The following WDPCP variants were observed in gnomAD, a reference collection of about 807,000 sequenced individuals.
WDPCP encodes WD repeat containing planar cell polarity effector.
A neutral mutation model predicts 93.1 loss-of-function variants in WDPCP; 71 were observed. The observed-to-expected ratio is 0.76, with a 90% CI of 0.63 to 0.93. The LOEUF is 0.93. Among genes scored for constraint, WDPCP ranks in the 40% least tolerant of loss-of-function variants. WDPCP has a pLI of 0.00. For missense variants in WDPCP, 844 were observed against 887.4 expected, an observed-to-expected ratio of 0.95 and a Z score of 0.62; for synonymous variants, 315 against 315.0, an observed-to-expected ratio of 1.00 and a Z score of 0.00.
intron 2 of WDPCP, among the ~76,000 whole-genome samples, chr2:63,726,738 C>T (rs562917743): frequency 1.1e-4 from 16 of 152,240 alleles, no homozygotes; most frequent in Non-Finnish European, 2.1e-4. Flanking sequence ...TTGTAATTCT[C>T]ATTGTAGAGA....
rs559109583 is a variant in WDPCP at position 63,189,500 on chromosome 2, C to A, written c.1916-14668G>T. On this transcript the variant is annotated intron_variant, in intron 14 of 17. Coordinates refer to ENST00000272321, the MANE Select transcript of WDPCP (RefSeq NM_015910.7). ...TTTGTCTCCATAGAAAAATGAGGGC[C>A]TGGAGCTTCCTAATCTGCCATCTTG... 2.0e-5 allele frequency among the ~76,000 whole-genome samples: 3 copies of A among 152,108 alleles called. No individual in the cohort carries two copies. In the South Asian group the frequency reaches 6.2e-4, roughly 32 times the overall value.
At chr2:63,203,031 T>C (rs1676039046) in intron 14 of WDPCP, among the ~76,000 whole-genome samples, 1 of 152,188 alleles carries the variant, frequency 6.6e-6, no homozygotes, top group Non-Finnish European at 1.5e-5. Flanking sequence ...GAGTCTGTGT[T>C]GTCTGCCTTA....
At chr2:63,469,428 CAA>C (rs1699557227) in intron 6 of WDPCP, among the ~76,000 whole-genome samples, 1 of 152,168 alleles carries the variant, frequency 6.6e-6, no homozygotes, top group African/African-American at 2.4e-5. Context: ...TTCACAATAG[CAA>C]AGACATGGAA....
At chr2:63,691,412 A>G (rs1179340738) in intron 2 of WDPCP, among the ~76,000 whole-genome samples, 1 of 152,218 alleles carries the variant, frequency 6.6e-6, no homozygotes, top group Non-Finnish European at 1.5e-5. Context: ...AGGCGGGCAG[A>G]TCACTTGAGG....
chr2:63,248,205 A>G (rs1680441452), intron 14 of WDPCP, among the ~76,000 whole-genome samples: 1 of 152,162 alleles, frequency 6.6e-6, no homozygotes, highest in Non-Finnish European at 1.5e-5. Context: ...ACTGATTTTT[A>G]TATTTGACTG....
intron 2 of WDPCP, among the ~76,000 whole-genome samples, chr2:63,694,117 G>T (rs1668929183): frequency 6.6e-6 from 1 of 152,114 alleles, no homozygotes; most frequent in Non-Finnish European, 1.5e-5. Context: ...TATGAACAGA[G>T]GGTTTAAGGT....
chr2:63,683,802 T>A, intron 2 of WDPCP, among the ~76,000 whole-genome samples: 1 of 151,852 alleles, frequency 6.6e-6, no homozygotes, highest in Middle Eastern at 3.4e-3. Flanking sequence ...TGAGCCAAGA[T>A]TGTGCCACTG....
At chr2:63,382,900 C>T (rs768392875) in intron 10 of WDPCP, among the ~76,000 whole-genome samples, 9 of 152,104 alleles carry the variant, frequency 5.9e-5, no homozygotes, top group Non-Finnish European at 1.2e-4. Context: ...GACCGTCCAA[C>T]AGCCTTCATG....
rs140894654 is a variant in WDPCP at position 63,236,507 on chromosome 2, G to T, written c.1915+22800C>A. On this transcript the variant is annotated intron_variant, in intron 14 of 17. Coordinates refer to ENST00000272321, the MANE Select transcript of WDPCP (RefSeq NM_015910.7). ...AAATTCACATGGAATTTAAAAAGAG[G>T]CTGAATAGCCATAGCAATCCTAAGC... is the stretch of plus-strand genomic sequence containing the variant. Among the ~76,000 whole-genome samples, 95 of 152,132 alleles carry T rather than the reference G, an allele frequency of 6.2e-4. No individual in the cohort carries two copies. In the East Asian group the frequency reaches 0.017, roughly 27 times the overall value.
At chr2:63,399,809 T>C (rs1478707911) in intron 10 of WDPCP, among the ~76,000 whole-genome samples, 1 of 152,168 alleles carries the variant, frequency 6.6e-6, no homozygotes, top group Non-Finnish European at 1.5e-5. Flanking sequence ...AACATTTTTT[T>C]CTTGAACAAT....
chr2:63,132,744 T>C (rs1670371747), intron 17 of WDPCP, among the ~76,000 whole-genome samples: 1 of 152,088 alleles, frequency 6.6e-6, no homozygotes, highest in Admixed American at 6.6e-5. Context: ...TCATATAATT[T>C]ACCTGATTTC....
intron 13 of WDPCP, among the ~76,000 whole-genome samples, chr2:63,297,668 G>A (rs879546613): frequency 6.6e-6 from 1 of 152,152 alleles, no homozygotes; most frequent in Non-Finnish European, 1.5e-5. Context: ...TTATAGGGGT[G>A]TAAGACAGAG....
intron 2 of WDPCP, chr2:63,684,782 A>C (rs1265712354): frequency 4.0e-6 from 2 of 495,428 alleles, no homozygotes; most frequent in African/African-American, 2.0e-5. Context: ...ATTTTCTCTG[A>C]TCACAATGCA....
At chr2:63,292,090 G>A (rs1216529073) in intron 13 of WDPCP, among the ~76,000 whole-genome samples, 3 of 138,312 alleles carry the variant, frequency 2.2e-5, no homozygotes, top group East Asian at 2.1e-4. Context: ...CCGAGATCGC[G>A]CCACTGCACT....
chr2:63,326,313 T>C (rs1205360147), intron 12 of WDPCP, among the ~76,000 whole-genome samples: 1 of 152,168 alleles, frequency 6.6e-6, no homozygotes, highest in Non-Finnish European at 1.5e-5. Flanking sequence ...GGAGGTCCCC[T>C]TGGCTAATCC....
At chr2:63,755,967 A>C (rs1332474115) in intron 2 of WDPCP, among the ~76,000 whole-genome samples, 2 of 152,206 alleles carry the variant, frequency 1.3e-5, no homozygotes, top group African/African-American at 4.8e-5. Flanking sequence ...TCCTATTAAA[A>C]CAGTAAAATC....
chr2:63,735,712 C>T (rs956537832), intron 2 of WDPCP, among the ~76,000 whole-genome samples: 2 of 151,956 alleles, frequency 1.3e-5, no homozygotes, highest in African/African-American at 2.4e-5. Context: ...AGAGAGACAC[C>T]GTCAGACTAG....
At chr2:63,583,531 A>C (rs1185115767) in intron 1 of WDPCP, among the ~76,000 whole-genome samples, 1 of 152,116 alleles carries the variant, frequency 6.6e-6, no homozygotes, top group Non-Finnish European at 1.5e-5. Context: ...AAATACAAAA[A>C]TTAGCTGGGT....
At chr2:63,651,123 G>A (rs575196136) in intron 2 of WDPCP, among the ~76,000 whole-genome samples, 13 of 152,252 alleles carry the variant, frequency 8.5e-5, no homozygotes, top group Admixed American at 1.3e-4. Flanking sequence ...GTTGCTTTCC[G>A]ACCGTGTAGA....
Sources: allele counts gnomAD v4.1 joint callset (sites outside exome capture counted in the v4.1 genomes callset), GRCh38; gene constraint gnomAD v4.1.1; transcripts MANE v1.5; gene names NCBI Gene and HGNC (gene_info 2026-07-23, HGNC 2026-07-21).